Variants in LPAR5 observed in about 807,000 individuals in gnomAD.
The protein encoded by LPAR5 is G protein-coupled receptor 92.
For synonymous variants in LPAR5, 271 were observed against 261.6 expected, an observed-to-expected ratio of 1.04 and a Z score of -0.35; for missense variants, 544 against 521.8, an observed-to-expected ratio of 1.04 and a Z score of -0.41.
At chr12:6,630,432 T>C (rs1948973708) in intron 1 of LPAR5, among the ~76,000 whole-genome samples, 1 of 91,430 alleles carries the variant, frequency 1.1e-5, no homozygotes, top group African/African-American at 4.0e-5. Flanking sequence ...ACCCAGCCCA[T>C]CTTTTTTTTT....
intron 1 of LPAR5, chr12:6,631,542 C>T (rs1267538978): frequency 6.5e-6 from 1 of 152,746 alleles, no homozygotes; most frequent in East Asian, 1.9e-4. Flanking sequence ...GGGTCTCCGT[C>T]CTTCAGCTTC....
Position 6,621,342 on chromosome 12 carries a change from G to T in LPAR5, c.-94C>A. The T allele has an allele frequency of 7.8e-7, 1 of 1,280,426 alleles. No individual in the cohort carries two copies. Among genetic ancestry groups the T allele is most frequent in the Non-Finnish European group, 1.0e-6 (1 of 970,636 alleles). The allele number at this position is 1,280,426 out of a possible 1,614,324, so 79.3% of individuals were successfully genotyped here. A position where few individuals can be genotyped will look rare whatever the true frequency, so the allele number is the denominator to read the frequency against. ...TCACCTCCGGGGCTGGGGCCTAGAGGCTGTACAGACATGGTCCCAAAACAA... is the reference window on the plus strand; with the variant it reads ...TCACCTCCGGGGCTGGGGCCTAGAGTCTGTACAGACATGGTCCCAAAACAA... On this transcript the variant is annotated 5_prime_UTR_variant, in exon 2 of 2. Coordinates refer to ENST00000329858, the MANE Select transcript of LPAR5 (RefSeq NM_020400.6).
intron 1 of LPAR5, among the ~76,000 whole-genome samples, chr12:6,626,869 C>CT (rs1179702001): frequency 6.6e-6 from 1 of 152,210 alleles, no homozygotes; most frequent in African/African-American, 2.4e-5. Flanking sequence ...TATCAGAGCT[C>CT]TCCCCATGCA....
chr12:6,619,356 A>AGAGAG lies in LPAR5; in HGVS notation c.*769_*773dup, dbSNP rs10601159. 2.0e-5 allele frequency: 3 copies of AGAGAG among 150,900 alleles called. No homozygotes were observed. The highest frequency in any genetic ancestry group is 2.0e-4 in the East Asian group (1 of 5,114). 9.3% of individuals were successfully genotyped at this position (150,900 alleles called of 1,614,324 possible). On this transcript the variant is annotated 3_prime_UTR_variant, in exon 2 of 2. Coordinates refer to ENST00000329858, the MANE Select transcript of LPAR5 (RefSeq NM_020400.6). ...AGGGAGAGAGAGAGAAGAGGAGAAG[A>AGAGAG]GAGAGGAGAGGAGAGGAGAGAGAAG...
intron 1 of LPAR5, among the ~76,000 whole-genome samples, chr12:6,624,609 CT>C (rs1248281905): frequency 1.3e-5 from 2 of 151,464 alleles, no homozygotes; most frequent in Admixed American, 1.3e-4. Flanking sequence ...AAAGGAATTT[CT>C]TTTTTTTTCT....
chr12:6,630,433 C>CTTTTTTTTTTTTT lies in LPAR5; in HGVS notation c.-217+5461_-217+5473dup, dbSNP rs34529805. 1.7e-3 allele frequency among the ~76,000 whole-genome samples: 71 copies of CTTTTTTTTTTTTT among 41,826 alleles called. 15 individuals carry two copies. Among genetic ancestry groups the CTTTTTTTTTTTTT allele is most frequent in the Non-Finnish European group, 2.3e-3 (52 of 22,928 alleles). 27.4% of individuals were successfully genotyped at this position (41,826 alleles called of 152,430 possible). A position where few individuals can be genotyped will look rare whatever the true frequency, so the allele number is the denominator to read the frequency against. On this transcript the variant is annotated intron_variant, in intron 1 of 1. Coordinates refer to ENST00000329858, the MANE Select transcript of LPAR5 (RefSeq NM_020400.6). ...GAGTGAACCACTGCACCCAGCCCAT[C>CTTTTTTTTTTTTT]TTTTTTTTTTTTTTTTTTTTTTTTT... is the stretch of plus-strand genomic sequence containing the variant.
At position 6,620,437 on chromosome 12, in the gene LPAR5, G is replaced by A. The variant is rs749684391; in HGVS notation, c.812C>T (p.Ala271Val). The A allele has an allele frequency of 6.9e-6, 11 of 1,601,754 alleles. No individual in the cohort carries two copies. In the Middle Eastern group the frequency reaches 8.2e-4, roughly 120 times the overall value. ...CAGCACCCCGCGCACGCGATCGCGG[G>A]CAGGCACGCTGGCCGCCACCAGCTT... ...RSKLVAASVPARDRVRGVLMV... is the reference protein window; with the variant it reads ...RSKLVAASVPVRDRVRGVLMV... The change falls in exon 2 of 2, where the codon GCC (alanine) becomes GTC (valine). Residue 271 changes from alanine to valine, a missense_variant. Transcript: ENST00000329858. The surrounding 1 kb of genome is among the most constrained non-coding windows in gnomAD (Gnocchi z 6.8).
chr12:6,629,389 AAAG>A (rs1948967199), intron 1 of LPAR5, among the ~76,000 whole-genome samples: 2 of 146,234 alleles, frequency 1.4e-5, no homozygotes, highest in Admixed American at 1.4e-4. Context: ...AAAAAAAAAA[AAAG>A]GGCCAAGCGC....
chr12:6,629,444 G>T (rs1948968006), intron 1 of LPAR5, among the ~76,000 whole-genome samples: 1 of 151,422 alleles, frequency 6.6e-6, no homozygotes, highest in East Asian at 2.0e-4. Context: ...GGAGGCCAAG[G>T]TGGGTGCATC....
At chr12:6,628,743 C>T (rs1340272768) in intron 1 of LPAR5, among the ~76,000 whole-genome samples, 1 of 151,994 alleles carries the variant, frequency 6.6e-6, no homozygotes, top group African/African-American at 2.4e-5. Context: ...AGCGATTCTC[C>T]TGCCTCAGCC....
Position 6,621,071 on chromosome 12 carries a change from A to G in LPAR5, c.178T>C (p.Tyr60His). ...ALRVHSVVSV[Y>H]MCNLAASDLL... ...TCGCTGGCCGCCAGGTTACACATGT[A>G]CACGCTCACCACCGAGTGCACGCGC... The change falls in exon 2 of 2, where the codon TAC becomes CAC. Residue 60 changes from tyrosine to histidine, a missense_variant. Tyr to His is a moderately conservative substitution (Grantham distance 83). Coordinates refer to ENST00000329858, the MANE Select transcript of LPAR5 (RefSeq NM_020400.6). 2 of 1,604,992 alleles carry G rather than the reference A, an allele frequency of 1.2e-6. No individual in the cohort carries two copies. The highest frequency in any genetic ancestry group is 1.7e-6 in the Non-Finnish European group (2 of 1,174,546).
At chr12:6,629,276 T>C (rs1948966347) in intron 1 of LPAR5, among the ~76,000 whole-genome samples, 2 of 149,700 alleles carry the variant, frequency 1.3e-5, no homozygotes, top group Non-Finnish European at 3.0e-5. Flanking sequence ...CTCGGGAAGC[T>C]GAGGCAGGAG....
chr12:6,633,442 TTG>T (rs1331520460), intron 1 of LPAR5, among the ~76,000 whole-genome samples: 1 of 151,940 alleles, frequency 6.6e-6, no homozygotes, highest in Non-Finnish European at 1.5e-5. Context: ...GGAGTCTCGC[TTG>T]CTGTGTTACC....
chr12:6,630,324 A>T (rs1948973036), intron 1 of LPAR5, among the ~76,000 whole-genome samples: 1 of 150,048 alleles, frequency 6.7e-6, no homozygotes, highest in Non-Finnish European at 1.5e-5. Flanking sequence ...GGGTTTCACC[A>T]TGTTGGTCAG....
intron 1 of LPAR5, among the ~76,000 whole-genome samples, chr12:6,629,249 G>C (rs972352187): frequency 2.6e-5 from 4 of 151,398 alleles, no homozygotes; most frequent in Admixed American, 1.3e-4. Context: ...GGTGGCACAC[G>C]CCTGTAATCC....
At chr12:6,626,584 A>G (rs1948941693) in intron 1 of LPAR5, among the ~76,000 whole-genome samples, 1 of 152,258 alleles carries the variant, frequency 6.6e-6, no homozygotes, top group Non-Finnish European at 1.5e-5. Context: ...CATGCTGAAA[A>G]GCAAGTAAAA....
chr12:6,629,588 C>G (rs868477076), intron 1 of LPAR5, among the ~76,000 whole-genome samples: 91 of 136,610 alleles, frequency 6.7e-4, no homozygotes, highest in African/African-American at 2.4e-3. Context: ...GCAGGAGAAT[C>G]GCTTGAACCC....
chr12:6,619,859 T>TTCTGCCCTCTGCACGGGTGGGCTC lies in LPAR5; in HGVS notation c.*247_*270dup. On this transcript the variant is annotated 3_prime_UTR_variant, in exon 2 of 2. Transcript: ENST00000329858. The stretch of plus-strand genomic sequence containing the variant: ...GCCCACCCAAAGGCATTTCGTCCTC[T>TTCTGCCCTCTGCACGGGTGGGCTC]TCTGCCCTCTGCACGGGTGGGCTCT... 1 of 649,322 alleles carries TTCTGCCCTCTGCACGGGTGGGCTC rather than the reference T, an allele frequency of 1.5e-6. No homozygotes were observed. The highest frequency in any genetic ancestry group is 2.1e-5 in the Admixed American group (1 of 47,992). 40.2% of individuals were successfully genotyped at this position (649,322 alleles called of 1,614,324 possible). A position where few individuals can be genotyped will look rare whatever the true frequency, so the allele number is the denominator to read the frequency against.
At position 6,620,560 on chromosome 12, in the gene LPAR5, C is replaced by T. The variant is rs1393920848; in HGVS notation, c.689G>A (p.Arg230Gln). The change falls in exon 2 of 2, where the codon CGG (arginine) becomes CAG (glutamine). Residue 230 changes from arginine (R) to glutamine (Q), a missense_variant. Arg to Gln is a conservative substitution (Grantham distance 43, BLOSUM62 1). Coordinates refer to ENST00000329858, the MANE Select transcript of LPAR5 (RefSeq NM_020400.6). The surrounding 1 kb of genome is among the most constrained non-coding windows in gnomAD (Gnocchi z 6.8). ...AGCCAGCAGGAGGCGCACGGTCTTC[C>T]GCCGCCGCTGGCTCTGCGTGGCGTC... ...RPDATQSQRR[R>Q]KTVRLLLANL... The T allele has an allele frequency of 6.4e-7, 1 of 1,556,400 alleles. No homozygotes were observed. The highest frequency in any genetic ancestry group is 1.9e-5 in the Admixed American group (1 of 51,470).
Sources: gnomAD v4.1 joint callset for allele counts (sites outside exome capture counted in the v4.1 genomes callset) on GRCh38, gnomAD v4.1.1 for gene constraint, Gnocchi (gnomAD v3.1) non-coding constraint, MANE v1.5 for transcripts, NCBI Gene and HGNC (gene_info 2026-07-23, HGNC 2026-07-21) for gene names.